ZBTB1: variants seen among roughly 807,000 people sequenced by gnomAD.
ZBTB1 encodes zinc finger and BTB domain-containing protein 1.
In ZBTB1, 13 loss-of-function variants were observed where a neutral mutation model predicts 51.6. The ratio of observed to expected loss-of-function variants is 0.25; its 90% CI spans 0.16 to 0.40. The LOEUF is 0.40. Ranked by LOEUF, ZBTB1 falls within the 10% of genes least tolerant of loss-of-function variation. The pLI is 1.00. For synonymous variants in ZBTB1, 240 were observed against 282.2 expected (o/e 0.85, Z 1.50); for missense variants, 567 against 856.5 (o/e 0.66, Z 4.22).
rs1199783225 is a variant in ZBTB1, at chr14:64,522,001, C to T, written c.497C>T (p.Thr166Met). ...ANRWCAEPSSTVNTPHNREAD... is the reference protein window; with the variant it reads ...ANRWCAEPSSMVNTPHNREAD... ...AGGTGGTGTGCAGAGCCAAGTTCAA[C>T]GGTAAATACACCACATAATAGAGAG... Residue 166 changes from threonine (T) to methionine (M), a missense_variant, in exon 2 of 2, where the codon ACG becomes ATG. By Grantham distance (81) the Thr-to-Met change is moderately conservative. This residue lies in a region of ZBTB1 where 74 missense variants were observed against 74.9 expected (regional missense o/e 0.99). Coordinates refer to ENST00000683701, the MANE Select transcript of ZBTB1 (RefSeq NM_001123329.2). The T allele has an allele frequency of 1.3e-5, 21 of 1,614,040 alleles. No individual in the cohort carries two copies. The highest frequency in any genetic ancestry group is 4.5e-5 in the East Asian group (2 of 44,890).
At chr14:64,525,091 A>G (rs892182980), downstream of ZBTB1, 4 of 305,272 alleles carry the variant, frequency 1.3e-5, no homozygotes, top group Admixed American at 2.6e-4. Flanking sequence ...TCATATTTAA[A>G]ATATGCAAAT....
chr14:64,521,372 C>A, intron 1 of ZBTB1, 115 bp from the exon 2 acceptor site: 4 of 697,416 alleles, frequency 5.7e-6, no homozygotes, highest in Non-Finnish European at 8.7e-6. Flanking sequence ...GAATGGAAAG[C>A]TCTTAATTTC....
chr14:64,508,503 A>G (rs2079690149), intron 1 of ZBTB1, among the ~76,000 whole-genome samples: 2 of 152,188 alleles, frequency 1.3e-5, no homozygotes, highest in East Asian at 3.9e-4. Context: ...AGAATGTTCC[A>G]AAGGGGCACT....
chr14:64,508,570 G>C (rs1024726812), intron 1 of ZBTB1, among the ~76,000 whole-genome samples: 1 of 152,106 alleles, frequency 6.6e-6, no homozygotes, highest in African/African-American at 2.4e-5. Context: ...CTGAAACTTA[G>C]GGCTTTGAAT....
chr14:64,528,350 T>C (rs1360622558), downstream of ZBTB1, among the ~76,000 whole-genome samples: 5 of 103,454 alleles, frequency 4.8e-5, no homozygotes, highest in Non-Finnish European at 9.8e-5. Context: ...TTTTCTTTTT[T>C]TTTTTTTTTT....
At chr14:64,506,983 T>C (rs74056441) in intron 1 of ZBTB1, among the ~76,000 whole-genome samples, 2,561 of 152,344 alleles carry the variant, frequency 0.017, 68 homozygotes, top group African/African-American at 0.057. Context: ...ATATAGTTCA[T>C]CGACCTTTTT....
At chr14:64,509,133 G>T (rs2079696325) in intron 1 of ZBTB1, among the ~76,000 whole-genome samples, 4 of 152,232 alleles carry the variant, frequency 2.6e-5, no homozygotes, top group African/African-American at 7.2e-5. Context: ...ACCTTGGGAG[G>T]CCTAGGCAGG....
chr14:64,513,748 G>A (rs1027994840), intron 1 of ZBTB1, among the ~76,000 whole-genome samples: 4 of 152,130 alleles, frequency 2.6e-5, no homozygotes, highest in Admixed American at 2.6e-4. Context: ...TGCAACCTCT[G>A]CCTCCAGGTT....
At chr14:64,517,624 TC>T (rs901557227) in intron 1 of ZBTB1, among the ~76,000 whole-genome samples, 1 of 151,452 alleles carries the variant, frequency 6.6e-6, no homozygotes, top group Non-Finnish European at 1.5e-5. Context: ...TCATCTTTTT[TC>T]CCCCCACCTT....
chr14:64,514,855 C>G (rs1250494983), intron 1 of ZBTB1, among the ~76,000 whole-genome samples: 1 of 152,136 alleles, frequency 6.6e-6, no homozygotes, highest in Non-Finnish European at 1.5e-5. Context: ...TCTGGGTGGT[C>G]AGGAGTCCTT....
At chr14:64,517,991 G>A (rs888477473) in intron 1 of ZBTB1, among the ~76,000 whole-genome samples, 12 of 151,096 alleles carry the variant, frequency 7.9e-5, no homozygotes, top group African/African-American at 2.7e-4. Flanking sequence ...GTGCCACCAC[G>A]CCCGGCTAAT....
At chr14:64,511,169 C>G (rs2079720793) in intron 1 of ZBTB1, 1 of 152,122 alleles carries the variant, frequency 6.6e-6, no homozygotes, top group Non-Finnish European at 1.5e-5. Context: ...AAAACGAACC[C>G]TAAGAATATG....
downstream of ZBTB1, among the ~76,000 whole-genome samples, chr14:64,527,405 T>TAA (rs1267529885): frequency 6.6e-6 from 1 of 151,782 alleles, no homozygotes; most frequent in Non-Finnish European, 1.5e-5. Context: ...GGTCAGGAGT[T>TAA]CAAGACCAGC....
At chr14:64,509,587 A>G (rs990402729) in intron 1 of ZBTB1, among the ~76,000 whole-genome samples, 8 of 152,156 alleles carry the variant, frequency 5.3e-5, no homozygotes, top group Non-Finnish European at 5.9e-5. Context: ...TTGAATTTCA[A>G]TTATATGATT....
chr14:64,526,733 C>T (rs10142835), downstream of ZBTB1, among the ~76,000 whole-genome samples: 26,160 of 152,142 alleles, frequency 0.17, 2,597 homozygotes, highest in Non-Finnish European at 0.22. Context: ...TCATCTCCCC[C>T]ATGTTTTTAA....
chr14:64,517,901 T>C (rs1402251430), intron 1 of ZBTB1, among the ~76,000 whole-genome samples: 1 of 150,374 alleles, frequency 6.7e-6, no homozygotes, highest in Non-Finnish European at 1.5e-5. Context: ...TGGCATGATC[T>C]CGGCTCACTG....
chr14:64,528,519 G>T (rs1433410550), downstream of ZBTB1, among the ~76,000 whole-genome samples: 2 of 152,008 alleles, frequency 1.3e-5, no homozygotes, highest in Non-Finnish European at 2.9e-5. Flanking sequence ...AAGCTCTGGG[G>T]GAACATACCC....
intron 1 of ZBTB1, among the ~76,000 whole-genome samples, chr14:64,513,801 C>T (rs1381751742): frequency 6.6e-6 from 1 of 152,186 alleles, no homozygotes; most frequent in African/African-American, 2.4e-5. Context: ...GCTGGGATTA[C>T]AGGCATCCAC....
chr14:64,522,875 T>C lies in ZBTB1; in HGVS notation c.1371T>C (p.Leu457=), dbSNP rs2079874245. 6.2e-7 allele frequency: 1 copy of C among 1,614,120 alleles called. No individual in the cohort carries two copies. The highest frequency in any genetic ancestry group is 1.7e-5 in the Admixed American group (1 of 60,008). ...ICACGKCGQI[L]VKGRQLQEHA... ...CATGTGGTAAATGTGGACAAATACT[T>C]GTAAAGGGTAGGCAGCTTCAGGAAC... Residue 457 remains leucine (L), a synonymous_variant, in exon 2 of 2, where the codon CTT becomes CTC. Coordinates refer to ENST00000683701, the MANE Select transcript of ZBTB1 (RefSeq NM_001123329.2).
Sources: allele counts gnomAD v4.1 joint callset (sites outside exome capture counted in the v4.1 genomes callset), GRCh38; gene constraint gnomAD v4.1.1; regional missense constraint gnomAD v4.1.1; transcripts MANE v1.5; gene names NCBI Gene and HGNC (gene_info 2026-07-23, HGNC 2026-07-21).